Variants in DGKB observed in about 807,000 individuals in gnomAD.
The protein encoded by DGKB is 90 kDa diacylglycerol kinase.
Under a neutral mutation model 114.3 loss-of-function variants are expected in DGKB, and 67 were observed. The observed-to-expected ratio is 0.59, with a 90% CI of 0.48 to 0.72. DGKB has a LOEUF of 0.72. Ranked by LOEUF, DGKB falls within the 30% of genes least tolerant of loss-of-function variation. The probability of loss-of-function intolerance (pLI) is 0.00; values close to 1 mark genes in which losing one functional copy is unlikely to be tolerated. For missense variants in DGKB, 907 were observed against 975.2 expected (o/e 0.93, Z 0.93); for synonymous variants, 398 against 323.1 (o/e 1.23, Z -2.49).
chr7:14,524,615 G>A (rs1032785248), intron 20 of DGKB, among the ~76,000 whole-genome samples: 2 of 151,996 alleles, frequency 1.3e-5, no homozygotes, highest in Non-Finnish European at 1.5e-5. Context: ...AGTCAGCTGG[G>A]CATGGTGGTA....
At chr7:14,825,035 T>C (rs1490574498) in intron 2 of DGKB, among the ~76,000 whole-genome samples, 1 of 142,322 alleles carries the variant, frequency 7.0e-6, no homozygotes, top group South Asian at 2.2e-4. Flanking sequence ...TATATATATA[T>C]ATATATATAT....
At chr7:14,741,447 AAGGACCT>A (rs1272990226) in intron 4 of DGKB, among the ~76,000 whole-genome samples, 2 of 152,310 alleles carry the variant, frequency 1.3e-5, no homozygotes, top group East Asian at 3.9e-4. Context: ...AGGATGGGAT[AAGGACCT>A]AGGACCCCAT....
At chr7:14,401,169 A>T (rs1583659662) in intron 21 of DGKB, among the ~76,000 whole-genome samples, 1 of 151,898 alleles carries the variant, frequency 6.6e-6, no homozygotes, top group South Asian at 2.1e-4. Context: ...TACCTACTAG[A>T]TTTTCAATCA....
At chr7:14,635,932 T>C (rs549682787) in intron 13 of DGKB, among the ~76,000 whole-genome samples, 125 of 151,766 alleles carry the variant, frequency 8.2e-4, no homozygotes, top group African/African-American at 2.9e-3. Context: ...AATACAAATA[T>C]AGCACTATAG....
In DGKB at chr7:14,146,689, A is replaced by C. The variant is rs891753200; in HGVS notation, c.*2442T>G. On this transcript the variant is annotated 3_prime_UTR_variant, in exon 26 of 26. Coordinates refer to ENST00000402815, the MANE Select transcript of DGKB (RefSeq NM_001350709.2). ...GTATACTTGAAGGGGCAAGTACATC[A>C]GTGTATTTAGAAAATGAGTTGAGAA... is the stretch of plus-strand genomic sequence containing the variant. 2 of 152,144 alleles carry C rather than the reference A, an allele frequency of 1.3e-5. No individual in the cohort carries two copies. Among genetic ancestry groups the C allele is most frequent in the African/African-American group, 4.8e-5 (2 of 41,456 alleles). The allele number at this position is 152,144 out of a possible 1,614,324, so 9.4% of individuals were successfully genotyped here.
At chr7:14,508,498 G>A (rs552102205) in intron 20 of DGKB, among the ~76,000 whole-genome samples, 1 of 152,142 alleles carries the variant, frequency 6.6e-6, no homozygotes, top group African/African-American at 2.4e-5. Context: ...GTTGATTTTA[G>A]AAGGAAAACA....
At chr7:14,482,501 ATT>A (rs1217174331) in intron 20 of DGKB, among the ~76,000 whole-genome samples, 1 of 152,108 alleles carries the variant, frequency 6.6e-6, no homozygotes, top group Non-Finnish European at 1.5e-5. Context: ...ACATATGAAT[ATT>A]AACTCAAGGA....
intron 23 of DGKB, among the ~76,000 whole-genome samples, chr7:14,211,564 A>G (rs867080723): frequency 0.029 from 57 of 1,934 alleles, 2 homozygotes; most frequent in African/African-American, 0.069. Context: ...ATTTACTCTC[A>G]TGTTTTGTGA....
chr7:14,570,182 TA>T (rs1209296873), intron 20 of DGKB, among the ~76,000 whole-genome samples: 10 of 151,762 alleles, frequency 6.6e-5, no homozygotes, highest in African/African-American at 2.4e-4. Context: ...TATAATTCTC[TA>T]TAGAGTATTT....
At chr7:14,841,121 A>G in intron 2 of DGKB, 73 bp downstream of exon 2, 1 of 1,328,750 alleles carries the variant, frequency 7.5e-7, no homozygotes, top group Non-Finnish European at 1.1e-6. Flanking sequence ...TCTATGATCC[A>G]TTCTTATAAA....
intron 22 of DGKB, 106 bp from the exon 23 acceptor site, chr7:14,338,816 ATGT>A: frequency 1.5e-6 from 1 of 680,966 alleles, no homozygotes; most frequent in Non-Finnish European, 2.2e-6. Flanking sequence ...GAAATCCATA[ATGT>A]TGTCATTTCC....
chr7:14,261,979 A>C (rs1395525315), intron 23 of DGKB, among the ~76,000 whole-genome samples: 1 of 152,234 alleles, frequency 6.6e-6, no homozygotes, highest in East Asian at 1.9e-4. Context: ...ATGCATAGTG[A>C]AATGTGCTAT....
At chr7:14,973,155 G>A (rs1415066355) in intron 1 of DGKB, among the ~76,000 whole-genome samples, 1 of 151,862 alleles carries the variant, frequency 6.6e-6, no homozygotes, top group Non-Finnish European at 1.5e-5. Flanking sequence ...AAAAATACAA[G>A]TCTGAAATCC....
chr7:14,558,113 T>C (rs941470105), intron 20 of DGKB, among the ~76,000 whole-genome samples: 9 of 150,268 alleles, frequency 6.0e-5, no homozygotes, highest in African/African-American at 2.2e-4. Context: ...GGTTATTATA[T>C]ATAATTGCCA....
At chr7:14,626,571 C>T (rs752618009) in intron 14 of DGKB, among the ~76,000 whole-genome samples, 15 of 152,130 alleles carry the variant, frequency 9.9e-5, no homozygotes, top group Non-Finnish European at 1.6e-4. Flanking sequence ...TACGAAGGTT[C>T]GGTCTGAGAC....
rs2068818942 is a variant in DGKB, at chr7:14,200,444, CA to C, written c.2123-22294del. Among the ~76,000 whole-genome samples, 3 of 152,178 alleles carry C rather than the reference CA, an allele frequency of 2.0e-5. No individual in the cohort carries two copies. The South Asian group carries it at 6.2e-4, about 32-fold the overall frequency. On this transcript the variant is annotated intron_variant, in intron 23 of 25. Transcript: ENST00000402815. Reference sequence around the variant, plus strand: ...ACTCATGTATTCCCCACATTACCCACAAAAGCCGTCCTCATTTTTACACAGG... The same window carrying C: ...ACTCATGTATTCCCCACATTACCCACAAAGCCGTCCTCATTTTTACACAGG...
intron 20 of DGKB, among the ~76,000 whole-genome samples, chr7:14,546,973 G>A (rs572649050): frequency 1.1e-3 from 169 of 152,186 alleles, no homozygotes; most frequent in African/African-American, 4.0e-3. Flanking sequence ...TCTTGAATAT[G>A]CCTAAAACCA....
At chr7:14,793,933 C>T (rs11761826) in intron 2 of DGKB, among the ~76,000 whole-genome samples, 9,401 of 152,092 alleles carry the variant, frequency 0.062, 379 homozygotes, top group South Asian at 0.09. Context: ...GAAGAAAGAA[C>T]TTGCTTCTTT....
chr7:14,581,457 G>C (rs1799920083), intron 18 of DGKB, among the ~76,000 whole-genome samples: 3 of 152,116 alleles, frequency 2.0e-5, no homozygotes, highest in Non-Finnish European at 2.9e-5. Context: ...CCCACCCATG[G>C]TGCTGCTTTG....
Sources: allele counts gnomAD v4.1 joint callset (sites outside exome capture counted in the v4.1 genomes callset), GRCh38; gene constraint gnomAD v4.1.1; transcripts MANE v1.5; gene names NCBI Gene and HGNC (gene_info 2026-07-23, HGNC 2026-07-21).